The following FAM174A variants were observed in gnomAD, a reference collection of about 807,000 sequenced individuals.
FAM174A encodes membrane protein FAM174A.
A neutral mutation model predicts 14.3 loss-of-function variants in FAM174A; 14 were observed. The observed-to-expected ratio is 0.98, with a 90% CI of 0.65 to 1.53. FAM174A has a LOEUF of 1.53. Among genes scored for constraint, FAM174A ranks in the 40% most tolerant of loss-of-function variants. The pLI is 0.00. For missense variants in FAM174A, 241 were observed against 249.6 expected, an observed-to-expected ratio of 0.97 and a Z score of 0.23; for synonymous variants, 108 against 111.4, an observed-to-expected ratio of 0.97 and a Z score of 0.19.
At chr5:100,548,547 T>C (rs1162655136) in intron 1 of FAM174A, among the ~76,000 whole-genome samples, 1 of 152,084 alleles carries the variant, frequency 6.6e-6, no homozygotes, top group Non-Finnish European at 1.5e-5. Context: ...TAAAATTACT[T>C]AGATTCATTA....
chr5:100,541,776 C>G (rs1746057739), intron 1 of FAM174A, among the ~76,000 whole-genome samples: 1 of 152,036 alleles, frequency 6.6e-6, no homozygotes. Context: ...TTCTACCACT[C>G]TAGAATTACT....
At chr5:100,557,127 A>T (rs768994309) in intron 1 of FAM174A, among the ~76,000 whole-genome samples, 84 of 152,082 alleles carry the variant, frequency 5.5e-4, no homozygotes, top group Non-Finnish European at 1.1e-3. Context: ...ATCAGTACCT[A>T]ATTTATTGAG....
At chr5:100,567,670 A>G (rs1362668806) in intron 2 of FAM174A, among the ~76,000 whole-genome samples, 2 of 151,858 alleles carry the variant, frequency 1.3e-5, no homozygotes, top group East Asian at 3.9e-4. Context: ...CTCTCATAAT[A>G]TGTATACAGA....
chr5:100,536,798 C>T (rs1029045335), intron 1 of FAM174A, among the ~76,000 whole-genome samples: 1 of 152,146 alleles, frequency 6.6e-6, no homozygotes, highest in African/African-American at 2.4e-5. Context: ...TTTCTTTAAA[C>T]TGATTATTTA....
At chr5:100,566,674 TATGCACATC>T (rs889041752) in intron 2 of FAM174A, among the ~76,000 whole-genome samples, 8 of 151,886 alleles carry the variant, frequency 5.3e-5, no homozygotes, top group African/African-American at 1.7e-4. Flanking sequence ...TCACGTAGTA[TATGCACATC>T]ATGCACATCA....
At chr5:100,536,813 A>C (rs1745950726) in intron 1 of FAM174A, among the ~76,000 whole-genome samples, 1 of 152,216 alleles carries the variant, frequency 6.6e-6, no homozygotes, top group Non-Finnish European at 1.5e-5. Flanking sequence ...TATTTAAAGC[A>C]AAAGTTTCCT....
At chr5:100,546,151 C>G (rs1000366072) in intron 1 of FAM174A, among the ~76,000 whole-genome samples, 1 of 152,138 alleles carries the variant, frequency 6.6e-6, no homozygotes, top group Non-Finnish European at 1.5e-5. Flanking sequence ...TTGGGCTATC[C>G]TCCAACACAG....
At chr5:100,581,823 T>C (rs1195298975) in intron 2 of FAM174A, among the ~76,000 whole-genome samples, 2 of 152,120 alleles carry the variant, frequency 1.3e-5, no homozygotes, top group Non-Finnish European at 2.9e-5. Flanking sequence ...GGTCATACAG[T>C]CTTATAAATA....
chr5:100,557,410 G>T (rs1369923288), intron 1 of FAM174A, among the ~76,000 whole-genome samples: 1 of 152,030 alleles, frequency 6.6e-6, no homozygotes, highest in African/African-American at 2.4e-5. Flanking sequence ...TTTTTGTTGT[G>T]TCTCTGCCAG....
rs190284289 is a variant in FAM174A, at chr5:100,558,428, G to T, written c.435-3626G>T. Among the ~76,000 whole-genome samples, 1,287 of 152,286 alleles carry T rather than the reference G, an allele frequency of 8.5e-3. 16 individuals are homozygous for T. Among genetic ancestry groups the T allele is most frequent in the African/African-American group, 0.03 (1,226 of 41,550 alleles). ...ATGTATATTCTGTTGATTTGGGGTG[G>T]AGAGTTCTGTAGATGTCTATTAGGT... is the stretch of plus-strand genomic sequence containing the variant. On this transcript the variant is annotated intron_variant, in intron 1 of 2. Transcript: ENST00000312637.
intron 2 of FAM174A, among the ~76,000 whole-genome samples, chr5:100,568,264 C>T (rs968414745): frequency 6.6e-6 from 1 of 151,786 alleles, no homozygotes; most frequent in South Asian, 2.1e-4. Context: ...CCTTGTAACT[C>T]GGTCCCATGT....
intron 2 of FAM174A, among the ~76,000 whole-genome samples, chr5:100,573,864 G>A (rs549828591): frequency 3.3e-5 from 5 of 151,652 alleles, no homozygotes; most frequent in African/African-American, 9.7e-5. Context: ...CATGGTACTG[G>A]TACCAAAACA....
chr5:100,579,836 G>A (rs1746977206), intron 2 of FAM174A, among the ~76,000 whole-genome samples: 1 of 152,126 alleles, frequency 6.6e-6, no homozygotes, highest in African/African-American at 2.4e-5. Flanking sequence ...GTATTGCTTG[G>A]TGTATAATAG....
At chr5:100,555,999 C>T (rs972142845) in intron 1 of FAM174A, among the ~76,000 whole-genome samples, 1 of 152,046 alleles carries the variant, frequency 6.6e-6, no homozygotes, top group African/African-American at 2.4e-5. Flanking sequence ...TTGGTGTTTT[C>T]GACATGAAGT....
At chr5:100,539,527 T>C (rs1746009952) in intron 1 of FAM174A, among the ~76,000 whole-genome samples, 1 of 152,210 alleles carries the variant, frequency 6.6e-6, no homozygotes, top group Non-Finnish European at 1.5e-5. Flanking sequence ...TCCTAATAGC[T>C]GATAGTTAAT....
intron 1 of FAM174A, among the ~76,000 whole-genome samples, chr5:100,545,941 A>G (rs1755401102): frequency 6.6e-6 from 1 of 152,178 alleles, no homozygotes; most frequent in Admixed American, 6.5e-5. Context: ...TATACAAAAA[A>G]CCTTATAAAA....
At chr5:100,550,479 A>G (rs1040590246) in intron 1 of FAM174A, among the ~76,000 whole-genome samples, 1 of 152,120 alleles carries the variant, frequency 6.6e-6, no homozygotes, top group African/African-American at 2.4e-5. Flanking sequence ...TTGCCAATCT[A>G]TATATTTTAC....
chr5:100,557,155 G>A (rs183873782), intron 1 of FAM174A, among the ~76,000 whole-genome samples: 99 of 152,264 alleles, frequency 6.5e-4, no homozygotes, highest in East Asian at 1.5e-3. Flanking sequence ...AGCATGAAGC[G>A]TTGTTGAATT....
chr5:100,556,426 C>T (rs1483966202), intron 1 of FAM174A, among the ~76,000 whole-genome samples: 2 of 152,142 alleles, frequency 1.3e-5, no homozygotes, highest in African/African-American at 4.8e-5. Context: ...GCGATGTGGG[C>T]TCTTTTTTGG....
Sources: allele counts gnomAD v4.1 joint callset (sites outside exome capture counted in the v4.1 genomes callset), GRCh38; gene constraint gnomAD v4.1.1; transcripts MANE v1.5; gene names NCBI Gene and HGNC (gene_info 2026-07-23, HGNC 2026-07-21).